ZNF776: variants seen among roughly 807,000 people sequenced by gnomAD.
ZNF776 encodes the protein zinc finger protein 776.
In ZNF776, 4 loss-of-function variants were observed where a neutral mutation model predicts 7.0. The observed-to-expected ratio is 0.57, with a 90% CI of 0.28 to 1.31. ZNF776 has a LOEUF of 1.31. Ranked by LOEUF, ZNF776 falls within the 50% of genes most tolerant of loss-of-function variation. ZNF776 has a pLI of 0.10. For synonymous variants in ZNF776, 212 were observed against 213.7 expected (o/e 0.99, Z 0.07); for missense variants, 555 against 625.9 (o/e 0.89, Z 1.21).
In ZNF776 at chr19:57,752,854, C is replaced by T. The variant is rs548248483; in HGVS notation, c.161-437C>T. On this transcript the variant is annotated intron_variant, in intron 2 of 2. Coordinates refer to ENST00000317178, the MANE Select transcript of ZNF776 (RefSeq NM_173632.4). ...TACACATTGCTAAGCCATACCTGACCAACAGCTGCTTTGTTGTACTCGTAT... is the reference window on the plus strand; with the variant it reads ...TACACATTGCTAAGCCATACCTGACTAACAGCTGCTTTGTTGTACTCGTAT... Among the ~76,000 whole-genome samples, 5 of 152,278 alleles carry T rather than the reference C, an allele frequency of 3.3e-5. No homozygotes were observed. In the East Asian group the frequency reaches 9.7e-4, roughly 29 times the overall value.
chr19:57,753,799 T>G lies in ZNF776; in HGVS notation c.669T>G (p.Leu223=). ...TACCGTTTAGCAACAAACACTCACT[T>G]GTCCTTCACCAGAGACTTCTCCCTA... ...STIPFSNKHS[L]VLHQRLLPRE... is the part of the protein sequence containing the mutation. The change falls in exon 3 of 3, where the codon CTT becomes CTG. Residue 223 remains leucine, a synonymous_variant. Coordinates refer to ENST00000317178, the MANE Select transcript of ZNF776 (RefSeq NM_173632.4). 1.2e-6 allele frequency: 2 copies of G among 1,614,260 alleles called. No individual in the cohort carries two copies. The highest frequency in any genetic ancestry group is 1.7e-6 in the Non-Finnish European group (2 of 1,180,042).
Position 57,746,877 on chromosome 19 carries a change from T to C in ZNF776, c.-182T>C. The stretch of plus-strand genomic sequence containing the variant: ...TGAGAGACCGCGGAGTGTTGGGTCG[T>C]GTAGAAGTGACTGAACCCAGAAGGT... On this transcript the variant is annotated 5_prime_UTR_variant, in exon 1 of 3. Coordinates refer to ENST00000317178, the MANE Select transcript of ZNF776 (RefSeq NM_173632.4). The C allele has an allele frequency of 1.8e-6, 1 of 560,802 alleles. No homozygotes were observed. The highest frequency in any genetic ancestry group is 3.2e-6 in the Non-Finnish European group (1 of 315,086). 34.7% of individuals were successfully genotyped at this position (560,802 alleles called of 1,614,324 possible).
At chr19:57,747,206 T>G in intron 1 of ZNF776, 115 bp downstream of exon 1, 1 of 1,187,694 alleles carries the variant, frequency 8.4e-7, no homozygotes, top group Non-Finnish European at 1.2e-6. Context: ...GTCGGGACAC[T>G]GAGGCGCTCT....
Position 57,753,784 on chromosome 19 carries a change from C to T in ZNF776, c.654C>T (p.Ser218=). The change falls in exon 3 of 3, where the codon AGC becomes AGT. Residue 218 remains serine (S), a synonymous_variant. Transcript: ENST00000317178. ...GTGGAGAGTCCACAATACCGTTTAG[C>T]AACAAACACTCACTTGTCCTTCACC... is the stretch of plus-strand genomic sequence containing the variant. ...YICGESTIPF[S]NKHSLVLHQR... The T allele has an allele frequency of 6.2e-7, 1 of 1,614,230 alleles. No individual in the cohort carries two copies. Among genetic ancestry groups the T allele is most frequent in the Non-Finnish European group, 8.5e-7 (1 of 1,180,046 alleles).
rs1002957604 is a variant in ZNF776, at chr19:57,747,018, C to T, written c.-41C>T. On this transcript the variant is annotated 5_prime_UTR_variant, in exon 1 of 3. Transcript: ENST00000317178. ...CCACCGTGCCCGGGTACCTGCACTG[C>T]TCGCCCCCTCCTTTCGACCCCGCTT... is the stretch of plus-strand genomic sequence containing the variant. 1.2e-5 allele frequency: 18 copies of T among 1,549,546 alleles called. No individual in the cohort carries two copies. Among genetic ancestry groups the T allele is most frequent in the Admixed American group, 3.8e-5 (2 of 52,104 alleles).
rs1385960914 is a variant in ZNF776, at chr19:57,754,240, C to T, written c.1110C>T (p.His370=). The T allele has an allele frequency of 1.2e-6, 2 of 1,614,168 alleles. No homozygotes were observed. The highest frequency in any genetic ancestry group is 1.7e-5 in the Admixed American group (1 of 60,014). The change falls in exon 3 of 3, where the codon CAC becomes CAT. Residue 370 remains histidine, a synonymous_variant. Transcript: ENST00000317178. ...KCNLIQHQRV[H]TGERPFECTA... is the part of the protein sequence containing the mutation. ...ACCTCATTCAGCATCAGCGAGTTCA[C>T]ACTGGAGAAAGACCTTTTGAGTGTA...
intron 2 of ZNF776, among the ~76,000 whole-genome samples, chr19:57,752,430 T>A (rs1298360137): frequency 6.6e-6 from 1 of 152,328 alleles, no homozygotes; most frequent in Non-Finnish European, 1.5e-5. Flanking sequence ...CCATGTCTCA[T>A]GTAAATTCCA....
chr19:57,755,346 G>C lies in ZNF776; in HGVS notation c.*659G>C, dbSNP rs1986746964. 1 of 152,452 alleles carries C rather than the reference G, an allele frequency of 6.6e-6. No individual in the cohort carries two copies. Among genetic ancestry groups the C allele is most frequent in the Admixed American group, 6.5e-5 (1 of 15,300 alleles). The allele number at this position is 152,452 out of a possible 1,614,324, so 9.4% of individuals were successfully genotyped here. On this transcript the variant is annotated 3_prime_UTR_variant, in exon 3 of 3. Transcript: ENST00000317178. ...CACACTAGAGAAAGCCCTTCTCAGT[G>C]AAGTAAATTTGGAAAATTGATTAGT...
rs977031289 is a variant in ZNF776, at chr19:57,758,077, A to G, written c.*3390A>G. 1 of 152,148 alleles carries G rather than the reference A, an allele frequency of 6.6e-6. No individual in the cohort carries two copies. Among genetic ancestry groups the G allele is most frequent in the African/African-American group, 2.4e-5 (1 of 41,426 alleles). 9.4% of individuals were successfully genotyped at this position (152,148 alleles called of 1,614,324 possible). ...ATGCTATGGAAATCACTGTATACGAATTCATCTGCTTATGGATATGTTATT... is the reference window on the plus strand; with the variant it reads ...ATGCTATGGAAATCACTGTATACGAGTTCATCTGCTTATGGATATGTTATT... On this transcript the variant is annotated 3_prime_UTR_variant, in exon 3 of 3. Coordinates refer to ENST00000317178, the MANE Select transcript of ZNF776 (RefSeq NM_173632.4).
chr19:57,754,900 A>G lies in ZNF776; in HGVS notation c.*213A>G. On this transcript the variant is annotated 3_prime_UTR_variant, in exon 3 of 3. Transcript: ENST00000317178. ...TAGAAGTTTTGCCTCACCAAATACC[A>G]GAAGGGTCACACTGGAGAAAGACCC... is the stretch of plus-strand genomic sequence containing the variant. 2 of 588,196 alleles carry G rather than the reference A, an allele frequency of 3.4e-6. No individual in the cohort carries two copies. Among genetic ancestry groups the G allele is most frequent in the Non-Finnish European group, 6.0e-6 (2 of 335,320 alleles). 36.4% of individuals were successfully genotyped at this position (588,196 alleles called of 1,614,324 possible). A position where few individuals can be genotyped will look rare whatever the true frequency, so the allele number is the denominator to read the frequency against.
chr19:57,751,436 A>T (rs1389993186), intron 2 of ZNF776, among the ~76,000 whole-genome samples: 1 of 152,144 alleles, frequency 6.6e-6, no homozygotes, highest in African/African-American at 2.4e-5. Context: ...GTCATAGCTC[A>T]CTGTAGCCTC....
intron 1 of ZNF776, among the ~76,000 whole-genome samples, chr19:57,748,523 T>C (rs1477265988): frequency 6.6e-6 from 1 of 152,160 alleles, no homozygotes; most frequent in African/African-American, 2.4e-5. Context: ...TATGCTATGG[T>C]GAGTGAGCCA....
intron 2 of ZNF776, among the ~76,000 whole-genome samples, chr19:57,752,901 G>C (rs906490283): frequency 1.3e-5 from 2 of 152,196 alleles, no homozygotes; most frequent in Admixed American, 6.5e-5. Flanking sequence ...ACACAAACAA[G>C]TGTATCTTTG....
Position 57,754,523 on chromosome 19 carries a change from T to C in ZNF776, c.1393T>C (p.Cys465Arg), listed in dbSNP as rs371368690. Reference protein sequence around the residue: ...SGERPHECGECGKCFHQKGSL... With the variant: ...SGERPHECGERGKCFHQKGSL... Reference sequence around the variant, plus strand: ...AGAAAGGCCACATGAGTGTGGAGAATGTGGGAAATGTTTTCATCAAAAGGG... The same window carrying C: ...AGAAAGGCCACATGAGTGTGGAGAACGTGGGAAATGTTTTCATCAAAAGGG... The change falls in exon 3 of 3, where the codon TGT (cysteine) becomes CGT (arginine). Residue 465 changes from cysteine (C) to arginine (R), a missense_variant. Transcript: ENST00000317178. 155 of 1,614,024 alleles carry C rather than the reference T, an allele frequency of 9.6e-5. No individual in the cohort carries two copies. The highest frequency in any genetic ancestry group is 1.3e-4 in the Non-Finnish European group (149 of 1,180,050).
In ZNF776 at chr19:57,757,803, A is replaced by G. The variant is rs1462249946; in HGVS notation, c.*3116A>G. On this transcript the variant is annotated 3_prime_UTR_variant, in exon 3 of 3. Transcript: ENST00000317178. ...TACTATCTTTCTCTCTGGCCTCTCC[A>G]TGCTCCAGACAATCACTGAATTACA... 6 of 152,306 alleles carry G rather than the reference A, an allele frequency of 3.9e-5. No individual in the cohort carries two copies. In the South Asian group the frequency reaches 1.0e-3, roughly 26 times the overall value. The allele number at this position is 152,306 out of a possible 1,614,324, so 9.4% of individuals were successfully genotyped here.
In ZNF776 at chr19:57,754,197, C is replaced by G; in HGVS notation, c.1067C>G (p.Ser356Trp). 6.2e-7 allele frequency: 1 copy of G among 1,613,304 alleles called. No individual in the cohort carries two copies. Among genetic ancestry groups the G allele is most frequent in the African/African-American group, 1.3e-5 (1 of 74,758 alleles). ...RPYQCGECGK[S>W]FNHKCNLIQH... ...TATCAGTGTGGAGAATGTGGGAAAT[C>G]GTTTAATCACAAGTGCAACCTCATT... The change falls in exon 3 of 3, where the codon TCG becomes TGG. Residue 356 changes from serine to tryptophan, a missense_variant. Physicochemically the swap from Ser to Trp is radical, Grantham distance 177. Coordinates refer to ENST00000317178, the MANE Select transcript of ZNF776 (RefSeq NM_173632.4).
Position 57,756,347 on chromosome 19 carries a change from A to C in ZNF776, c.*1660A>C, listed in dbSNP as rs866678035. ...TCTGCTATGATGAAGTCCTTATTTA[A>C]GCTTCCTTCAATCTTGGGAATTGTA... is the stretch of plus-strand genomic sequence containing the variant. On this transcript the variant is annotated 3_prime_UTR_variant, in exon 3 of 3. Coordinates refer to ENST00000317178, the MANE Select transcript of ZNF776 (RefSeq NM_173632.4). The C allele has an allele frequency of 4.6e-5, 7 of 152,274 alleles. No homozygotes were observed. The highest frequency in any genetic ancestry group is 1.7e-4 in the African/African-American group (7 of 41,536). The allele number at this position is 152,274 out of a possible 1,614,324, so 9.4% of individuals were successfully genotyped here. A position where few individuals can be genotyped will look rare whatever the true frequency, so the allele number is the denominator to read the frequency against.
rs1174079164 is a variant in ZNF776 at position 57,755,615 on chromosome 19, CTG to C, written c.*931_*932del. 2 of 152,202 alleles carry C rather than the reference CTG, an allele frequency of 1.3e-5. No homozygotes were observed. The highest frequency in any genetic ancestry group is 4.8e-5 in the African/African-American group (2 of 41,448). The allele number at this position is 152,202 out of a possible 1,614,324, so 9.4% of individuals were successfully genotyped here. Reference sequence around the variant, plus strand: ...GAATATTACTTCTTGTCCAGTGTAACTGTGGGAGAGAGCCCTTATGAGGACAC... The same window carrying C: ...GAATATTACTTCTTGTCCAGTGTAACTGGGAGAGAGCCCTTATGAGGACAC... On this transcript the variant is annotated 3_prime_UTR_variant, in exon 3 of 3. Transcript: ENST00000317178.
chr19:57,752,970 A>G (rs1036444052), intron 2 of ZNF776, among the ~76,000 whole-genome samples: 3 of 152,218 alleles, frequency 2.0e-5, no homozygotes, highest in African/African-American at 7.2e-5. Flanking sequence ...GTATTACTCC[A>G]TGGAAATAAT....
Sources: gnomAD v4.1 joint callset for allele counts (sites outside exome capture counted in the v4.1 genomes callset) on GRCh38, gnomAD v4.1.1 for gene constraint, MANE v1.5 for transcripts, NCBI Gene and HGNC (gene_info 2026-07-23, HGNC 2026-07-21) for gene names.